The following DNER variants were observed in gnomAD, a reference collection of about 807,000 sequenced individuals.
The protein encoded by DNER is delta and Notch-like epidermal growth factor-related receptor.
In DNER, 33 loss-of-function variants were observed where a neutral mutation model predicts 78.2. That is an observed-to-expected ratio of 0.42 (90% CI 0.32 to 0.56). The LOEUF is 0.56. DNER is among the 20% of genes least tolerant of loss of function. DNER has a pLI of 0.11. For missense variants in DNER, 918 were observed against 975.3 expected, an observed-to-expected ratio of 0.94 and a Z score of 0.78; for synonymous variants, 417 against 384.8, an observed-to-expected ratio of 1.08 and a Z score of -0.98.
At chr2:229,627,308 A>G (rs1012955937) in intron 1 of DNER, among the ~76,000 whole-genome samples, 1 of 152,360 alleles carries the variant, frequency 6.6e-6, no homozygotes, top group African/African-American at 2.4e-5. Flanking sequence ...TTTTATAAAT[A>G]TAACTAGTTA....
At chr2:229,393,786 G>C (rs1308432006) in intron 10 of DNER, among the ~76,000 whole-genome samples, 2 of 152,064 alleles carry the variant, frequency 1.3e-5, no homozygotes, top group Non-Finnish European at 2.9e-5. Flanking sequence ...GTTGGAGCTT[G>C]CAGTGAGCCG....
chr2:229,633,955 C>T (rs894551069), intron 1 of DNER, among the ~76,000 whole-genome samples: 1 of 152,224 alleles, frequency 6.6e-6, no homozygotes, highest in African/African-American at 2.4e-5. Flanking sequence ...ACATAGGCAA[C>T]TGGCTTAGAA....
chr2:229,517,038 G>A (rs552024539), intron 5 of DNER, among the ~76,000 whole-genome samples: 3 of 147,926 alleles, frequency 2.0e-5, no homozygotes, highest in African/African-American at 7.4e-5. Context: ...TTGAACCCAA[G>A]AGGCAGAGGA....
At chr2:229,614,182 AT>A (rs1344715018) in intron 1 of DNER, among the ~76,000 whole-genome samples, 5 of 151,610 alleles carry the variant, frequency 3.3e-5, no homozygotes, top group Admixed American at 2.0e-4. Flanking sequence ...TGTAATAATA[AT>A]TAAAAAATTT....
intron 8 of DNER, among the ~76,000 whole-genome samples, chr2:229,442,718 T>C (rs1172255011): frequency 1.3e-5 from 2 of 152,210 alleles, no homozygotes; most frequent in African/African-American, 4.8e-5. Flanking sequence ...TTAAGTCTTA[T>C]CCTTGATCCT....
chr2:229,646,232 A>C (rs1231687508), intron 1 of DNER, among the ~76,000 whole-genome samples: 3 of 152,214 alleles, frequency 2.0e-5, no homozygotes, highest in Non-Finnish European at 4.4e-5. Context: ...CATTATAAGA[A>C]GTGGCAATGA....
chr2:229,577,581 G>C (rs1487310515), intron 4 of DNER, among the ~76,000 whole-genome samples: 1 of 152,126 alleles, frequency 6.6e-6, no homozygotes, highest in Admixed American at 6.5e-5. Context: ...GCTGCAGTGA[G>C]CAGAGATCGT....
intron 6 of DNER, among the ~76,000 whole-genome samples, chr2:229,501,120 C>T (rs2154211958): frequency 6.6e-6 from 1 of 151,740 alleles, no homozygotes; most frequent in Non-Finnish European, 1.5e-5. Flanking sequence ...TGGTGATTAC[C>T]AGGAGGGTAG....
chr2:229,510,656 G>A (rs1695848396), intron 6 of DNER, among the ~76,000 whole-genome samples: 1 of 152,194 alleles, frequency 6.6e-6, no homozygotes, highest in African/African-American at 2.4e-5. Context: ...GCTGGAAGAC[G>A]AGCTGTGTAG....
chr2:229,440,055 A>T (rs1256678274), intron 8 of DNER, among the ~76,000 whole-genome samples: 1 of 152,226 alleles, frequency 6.6e-6, no homozygotes, highest in Non-Finnish European at 1.5e-5. Context: ...ATACATATGG[A>T]TTAACCAATT....
intron 6 of DNER, among the ~76,000 whole-genome samples, chr2:229,478,448 C>T (rs1369055541): frequency 1.3e-5 from 2 of 152,174 alleles, no homozygotes; most frequent in South Asian, 2.1e-4. Context: ...CATTTGCAAT[C>T]CTACTCACAG....
At chr2:229,375,072 C>T (rs1238110003) in intron 11 of DNER, among the ~76,000 whole-genome samples, 2 of 152,166 alleles carry the variant, frequency 1.3e-5, no homozygotes, top group Non-Finnish European at 2.9e-5. Context: ...ATAACAACTA[C>T]CTATCTGTAT....
At chr2:229,454,171 T>C (rs1694521313) in intron 7 of DNER, among the ~76,000 whole-genome samples, 1 of 152,184 alleles carries the variant, frequency 6.6e-6, no homozygotes, top group African/African-American at 2.4e-5. Context: ...CAAATTGCTA[T>C]TGCAATGTAC....
intron 1 of DNER, among the ~76,000 whole-genome samples, chr2:229,621,651 C>G (rs547272120): frequency 2.6e-5 from 4 of 152,152 alleles, no homozygotes; most frequent in African/African-American, 9.6e-5. Context: ...TCCCACACTT[C>G]CCACATGCTC....
chr2:229,564,599 A>T (rs564986004), intron 4 of DNER, among the ~76,000 whole-genome samples: 1 of 149,668 alleles, frequency 6.7e-6, no homozygotes, highest in Admixed American at 6.6e-5. Flanking sequence ...CATCATCATC[A>T]TCATCCTCAC....
intron 6 of DNER, among the ~76,000 whole-genome samples, chr2:229,478,590 C>T (rs1049769733): frequency 6.6e-6 from 1 of 152,106 alleles, no homozygotes; most frequent in African/African-American, 2.4e-5. Context: ...TAAATAAAAG[C>T]TGTAAATTCA....
chr2:229,382,099 C>T (rs1407295671), intron 11 of DNER, among the ~76,000 whole-genome samples: 4 of 152,210 alleles, frequency 2.6e-5, no homozygotes, highest in African/African-American at 9.7e-5. Context: ...GTTCCACAGC[C>T]TCCATTGGTG....
intron 4 of DNER, among the ~76,000 whole-genome samples, chr2:229,554,279 C>G (rs761910434): frequency 3.3e-5 from 5 of 152,194 alleles, no homozygotes; most frequent in Non-Finnish European, 7.3e-5. Context: ...TCAATTCAGC[C>G]AGGCATGGTG....
intron 6 of DNER, among the ~76,000 whole-genome samples, chr2:229,504,991 C>T (rs1695704891): frequency 6.6e-6 from 1 of 152,182 alleles, no homozygotes; most frequent in African/African-American, 2.4e-5. Context: ...TAGGACCCTC[C>T]AGCCGTCCCT....
Sources: allele counts gnomAD v4.1 joint callset (sites outside exome capture counted in the v4.1 genomes callset), GRCh38; gene constraint gnomAD v4.1.1; transcripts MANE v1.5; gene names NCBI Gene and HGNC (gene_info 2026-07-23, HGNC 2026-07-21).